The following RGS20 variants were observed in gnomAD, a reference collection of about 807,000 sequenced individuals.
The protein encoded by RGS20 is regulator of G protein signaling 20.
A neutral mutation model predicts 33.6 loss-of-function variants in RGS20; 30 were observed. That is an observed-to-expected ratio of 0.89 (90% CI 0.67 to 1.21). RGS20 has a LOEUF of 1.21. Among genes scored for constraint, RGS20 ranks in the 50% most tolerant of loss-of-function variants. The pLI is 0.00. For missense variants in RGS20, 472 were observed against 502.4 expected (o/e 0.94, Z 0.58); for synonymous variants, 208 against 197.9 (o/e 1.05, Z -0.43).
At chr8:53,892,161 ATAGT>A (rs1812728021) in intron 2 of RGS20, among the ~76,000 whole-genome samples, 1 of 151,944 alleles carries the variant, frequency 6.6e-6, no homozygotes, top group Non-Finnish European at 1.5e-5. Flanking sequence ...TGTCCTTGTG[ATAGT>A]TTACTGAGAA....
At chr8:53,916,416 C>T (rs1323220492) in intron 2 of RGS20, among the ~76,000 whole-genome samples, 2 of 151,808 alleles carry the variant, frequency 1.3e-5, no homozygotes, top group Non-Finnish European at 2.9e-5. Flanking sequence ...CCATACTTCC[C>T]CTTGGGATCT....
chr8:53,929,223 A>G (rs1045475285), intron 2 of RGS20, among the ~76,000 whole-genome samples: 4 of 152,198 alleles, frequency 2.6e-5, no homozygotes, highest in African/African-American at 9.6e-5. Flanking sequence ...TGTGTTCACC[A>G]TCTTGATTGT....
intron 2 of RGS20, among the ~76,000 whole-genome samples, chr8:53,894,519 C>T (rs528233663): frequency 4.6e-5 from 7 of 152,298 alleles, no homozygotes; most frequent in Admixed American, 2.0e-4. Flanking sequence ...TTAGCCCACT[C>T]GAATCAACAG....
chr8:53,921,132 T>C lies in RGS20; in HGVS notation c.511-18444T>C, dbSNP rs533027720. Among the ~76,000 whole-genome samples, 3 of 152,350 alleles carry C rather than the reference T, an allele frequency of 2.0e-5. No homozygotes were observed. In the East Asian group the frequency reaches 5.8e-4, roughly 29 times the overall value. On this transcript the variant is annotated intron_variant, in intron 2 of 5. Coordinates refer to ENST00000297313, the MANE Select transcript of RGS20 (RefSeq NM_170587.4). The stretch of plus-strand genomic sequence containing the variant: ...GTATGGCTATTATGTTTATTTTTTA[T>C]GTTAAACTAACCTTGCATTCTTACA...
Position 53,889,434 on chromosome 8 carries a change from T to C in RGS20, c.510+9832T>C, listed in dbSNP as rs1382571189. ...TCTCTTTTTTTTTTTTTTTTTTTTT[T>C]TTTTTTTTTTTTTTTTTGAGACAGG... On this transcript the variant is annotated intron_variant, in intron 2 of 5. Coordinates refer to ENST00000297313, the MANE Select transcript of RGS20 (RefSeq NM_170587.4). Among the ~76,000 whole-genome samples, 542 of 122,744 alleles carry C rather than the reference T, an allele frequency of 4.4e-3. 28 individuals are homozygous for C. In the East Asian group the frequency reaches 0.08, roughly 18 times the overall value. The allele number at this position is 122,744 out of a possible 152,430, so 80.5% of individuals were successfully genotyped here.
At chr8:53,917,406 C>T (rs1207730020) in intron 2 of RGS20, among the ~76,000 whole-genome samples, 1 of 152,170 alleles carries the variant, frequency 6.6e-6, no homozygotes, top group Non-Finnish European at 1.5e-5. Context: ...GCCTCAGCCT[C>T]CCAAAGTGCA....
intron 2 of RGS20, among the ~76,000 whole-genome samples, chr8:53,907,312 C>T (rs182462271): frequency 3.2e-4 from 49 of 152,108 alleles, no homozygotes; most frequent in African/African-American, 1.1e-3. Flanking sequence ...CTTGGCTGGG[C>T]GCGGTGGCTC....
At chr8:53,867,072 C>CA (rs1227696273) in intron 1 of RGS20, among the ~76,000 whole-genome samples, 2 of 152,082 alleles carry the variant, frequency 1.3e-5, no homozygotes, top group Non-Finnish European at 2.9e-5. Context: ...GAGATGGATC[C>CA]AAAGTCACAA....
In RGS20 at chr8:53,939,576, C is replaced by A; in HGVS notation, c.511C>A (p.Gln171Lys). ...CGCTTTGTTCCTCTCCCTCTTGCAG[C>A]AGATGGGATCAGAGCGGATGGAGAT... Residue 171 changes from glutamine to lysine, a missense_variant and splice_region_variant, in exon 3 of 6, where the codon CAG becomes AAG. Gln to Lys is a moderately conservative substitution (Grantham distance 53, BLOSUM62 1). Coordinates refer to ENST00000297313, the MANE Select transcript of RGS20 (RefSeq NM_170587.4). 1 of 1,552,782 alleles carries A rather than the reference C, an allele frequency of 6.4e-7. No individual in the cohort carries two copies. The highest frequency in any genetic ancestry group is 1.2e-5 in the South Asian group (1 of 82,672).
chr8:53,954,876 CAG>C (rs1264867997), intron 5 of RGS20, among the ~76,000 whole-genome samples: 1 of 150,862 alleles, frequency 6.6e-6, no homozygotes, highest in Non-Finnish European at 1.5e-5. Context: ...TTAGTAGAGA[CAG>C]GGTTTCACCA....
chr8:53,921,507 T>A (rs1343110697), intron 2 of RGS20, among the ~76,000 whole-genome samples: 1 of 151,990 alleles, frequency 6.6e-6, no homozygotes, highest in Non-Finnish European at 1.5e-5. Context: ...TAGGATTTTT[T>A]AAAATAACTA....
At chr8:53,856,216 A>ATTT (rs11366812) in intron 1 of RGS20, among the ~76,000 whole-genome samples, 1 of 138,784 alleles carries the variant, frequency 7.2e-6, no homozygotes, top group Non-Finnish European at 1.6e-5. Flanking sequence ...TTATTTTTCA[A>ATTT]TTTTTTTTTT....
intron 2 of RGS20, among the ~76,000 whole-genome samples, chr8:53,909,209 GTATATATATATATATATA>G (rs1178436696): frequency 0.013 from 548 of 43,750 alleles, 26 homozygotes; most frequent in African/African-American, 0.051. Context: ...TGGTATGTGT[GTATATATATATATATATA>G]TATATATATA....
chr8:53,879,416 TCCCGCCCTGCCGGCCG>T lies in RGS20; in HGVS notation c.329_344del (p.Ala110GlyfsTer33), dbSNP rs773326625. On this transcript the variant is annotated frameshift_variant, in exon 2 of 6. Transcript: ENST00000297313. LOFTEE classifies it high-confidence loss of function. Reference sequence around the variant, plus strand: ...GGCGCCTGGACTTCTCCCCCCTGCTTCCCGCCCTGCCGGCCGCCCGGCTCTCGAGGGGGCACGAGGA... The same window carrying T: ...GGCGCCTGGACTTCTCCCCCCTGCTTCCCGGCTCTCGAGGGGGCACGAGGA... The T allele has an allele frequency of 3.1e-6, 5 of 1,608,038 alleles. No homozygotes were observed. The highest frequency in any genetic ancestry group is 4.2e-6 in the Non-Finnish European group (5 of 1,178,224).
rs374234132 is a variant in RGS20 at position 53,856,148 on chromosome 8, A to C, written c.165+4084A>C. Among the ~76,000 whole-genome samples the C allele has an allele frequency of 2.0e-5, 3 of 152,124 alleles. No individual in the cohort carries two copies. The South Asian group carries it at 6.2e-4, about 32-fold the overall frequency. ...CCACTAATTTACTACAAAATAAACT[A>C]CAAAATCCCACGCACCTGCACATAC... On this transcript the variant is annotated intron_variant, in intron 1 of 5. Transcript: ENST00000297313.
In RGS20 at chr8:53,880,945, C is replaced by T. The variant is rs1585880813; in HGVS notation, c.510+1343C>T. On this transcript the variant is annotated intron_variant, in intron 2 of 5. Transcript: ENST00000297313. ...GAGAGCCGGAGAAAGGCGAAAGGCG[C>T]GGTGAGCAATCGCCGACGTAGAGAG... is the stretch of plus-strand genomic sequence containing the variant. 13 of 1,562,646 alleles carry T rather than the reference C, an allele frequency of 8.3e-6. No homozygotes were observed. The East Asian group carries it at 3.0e-4, about 36-fold the overall frequency.
chr8:53,879,899 A>C, intron 2 of RGS20: 3 of 344,244 alleles, frequency 8.7e-6, no homozygotes, highest in Admixed American at 4.7e-5. Flanking sequence ...TGCCTTTCAA[A>C]CTCTCAGCGT....
In RGS20 at chr8:53,879,422, C is replaced by A. The variant is rs1812289094; in HGVS notation, c.330C>A (p.Ala110=). The A allele has an allele frequency of 6.2e-7, 1 of 1,608,136 alleles. No homozygotes were observed. Among genetic ancestry groups the A allele is most frequent in the Non-Finnish European group, 8.5e-7 (1 of 1,178,016 alleles). Residue 110 remains alanine, a synonymous_variant, in exon 2 of 6, where the codon GCC becomes GCA. Transcript: ENST00000297313. Reference sequence around the variant, plus strand: ...TGGACTTCTCCCCCCTGCTTCCCGCCCTGCCGGCCGCCCGGCTCTCGAGGG... The same window carrying A: ...TGGACTTCTCCCCCCTGCTTCCCGCACTGCCGGCCGCCCGGCTCTCGAGGG...
At chr8:53,917,034 G>C (rs1385700281) in intron 2 of RGS20, among the ~76,000 whole-genome samples, 1 of 152,134 alleles carries the variant, frequency 6.6e-6, no homozygotes, top group African/African-American at 2.4e-5. Context: ...TTCAATTAAT[G>C]AATTTTGTGG....
Sources: gnomAD v4.1 joint callset for allele counts (sites outside exome capture counted in the v4.1 genomes callset) on GRCh38, gnomAD v4.1.1 for gene constraint, MANE v1.5 for transcripts, NCBI Gene and HGNC (gene_info 2026-07-23, HGNC 2026-07-21) for gene names.